Variants in METTL17 observed in about 807,000 individuals in gnomAD.
METTL17 encodes methyltransferase like 17, also known as ribosome assembly protein METTL17, mitochondrial.
A neutral mutation model predicts 59.4 loss-of-function variants in METTL17; 49 were observed. The observed-to-expected ratio is 0.82, with a 90% CI of 0.66 to 1.05. METTL17 has a LOEUF of 1.05. METTL17 is among the 50% of genes least tolerant of loss of function. The pLI is 0.00. For missense variants in METTL17, 555 were observed against 578.4 expected (o/e 0.96, Z 0.41); for synonymous variants, 208 against 209.2 (o/e 0.99, Z 0.05).
chr14:20,995,091 C>A, intron 9 of METTL17, 74 bp from the exon 10 acceptor site: 1 of 1,399,580 alleles, frequency 7.1e-7, no homozygotes, highest in Non-Finnish European at 1.0e-6. Flanking sequence ...TCTATGATTG[C>A]TCTTACACAG....
chr14:20,991,519 C>T (rs1189840711), intron 3 of METTL17, among the ~76,000 whole-genome samples: 2 of 150,530 alleles, frequency 1.3e-5, no homozygotes, highest in Non-Finnish European at 3.0e-5. Context: ...ATGTCCTTGG[C>T]CTACCCTTTA....
chr14:20,992,441 T>C (rs953925427), intron 4 of METTL17, 100 bp from the exon 5 acceptor site: 2 of 1,011,778 alleles, frequency 2.0e-6, no homozygotes, highest in Admixed American at 1.9e-5. Flanking sequence ...AGGCCTGAGC[T>C]GGAAGAGCCC....
intron 6 of METTL17, chr14:20,993,604 AGCTGG>A (rs1880165735): frequency 4.5e-6 from 1 of 221,492 alleles, no homozygotes; most frequent in African/African-American, 2.3e-5. Flanking sequence ...CCTCCCGAGT[AGCTGG>A]GACTACAGGT....
In METTL17 at chr14:20,996,778, T is replaced by C. The variant is rs541587917; in HGVS notation, c.1266-7T>C. ...GCTGCAGCCCACGCCAGCATCTGTT[T>C]CCACAGGGATTTGTATCGTTGTGCC... On this transcript the variant is annotated splice_region_variant and splice_polypyrimidine_tract_variant and intron_variant, in intron 13 of 13. Coordinates refer to ENST00000339374, the MANE Select transcript of METTL17 (RefSeq NM_022734.3). The C allele has an allele frequency of 2.5e-6, 4 of 1,614,246 alleles. No individual in the cohort carries two copies. In the East Asian group the frequency reaches 6.7e-5, roughly 27 times the overall value.
At chr14:20,990,423 C>T in intron 2 of METTL17, 40 bp downstream of exon 2, 1 of 1,613,692 alleles carries the variant, frequency 6.2e-7, no homozygotes, top group Non-Finnish European at 8.5e-7. Context: ...CGGGACTGGA[C>T]CTACATGCAA....
chr14:20,996,788 T>C lies in METTL17; in HGVS notation c.1269T>C (p.Asp423=). ...ACGCCAGCATCTGTTTCCACAGGGA[T>C]TTGTATCGTTGTGCCCGTGTCAGCT... ...AVLTARRHGR[D]LYRCARVSSW... The change falls in exon 14 of 14, where the codon GAT becomes GAC. Residue 423 remains aspartate, a synonymous_variant. Coordinates refer to ENST00000339374, the MANE Select transcript of METTL17 (RefSeq NM_022734.3). 6.2e-7 allele frequency: 1 copy of C among 1,614,148 alleles called. No homozygotes were observed. Among genetic ancestry groups the C allele is most frequent in the East Asian group, 2.2e-5 (1 of 44,868 alleles).
At position 20,993,094 on chromosome 14, in the gene METTL17, G is replaced by C. The variant is rs139429771; in HGVS notation, c.529-24G>C. The C allele has an allele frequency of 1.9e-3, 3,069 of 1,607,110 alleles. 6 individuals carry two copies. Among genetic ancestry groups the C allele is most frequent in the Non-Finnish European group, 2.4e-3 (2,782 of 1,173,642 alleles). On this transcript the variant is annotated intron_variant, in intron 5 of 13. Coordinates refer to ENST00000339374, the MANE Select transcript of METTL17 (RefSeq NM_022734.3). The stretch of plus-strand genomic sequence containing the variant: ...TAAATAAGTATCTAATTACCCTACT[G>C]TGGGATGTTGTATATTTCTTCAGAT...
chr14:20,995,716 C>T, intron 10 of METTL17, 185 bp from the exon 11 acceptor site: 4 of 590,072 alleles, frequency 6.8e-6, no homozygotes, highest in Non-Finnish European at 1.2e-5. Flanking sequence ...TTGCCTTTCT[C>T]CTGCAGCAAA....
At position 20,990,281 on chromosome 14, in the gene METTL17, T is replaced by G; in HGVS notation, c.127T>G (p.Phe43Val). 1 of 1,614,204 alleles carries G rather than the reference T, an allele frequency of 6.2e-7. No individual in the cohort carries two copies. The highest frequency in any genetic ancestry group is 1.1e-5 in the South Asian group (1 of 91,090). Residue 43 changes from phenylalanine to valine, a missense_variant, in exon 2 of 14, where the codon TTC becomes GTC. Coordinates refer to ENST00000339374, the MANE Select transcript of METTL17 (RefSeq NM_022734.3). The stretch of plus-strand genomic sequence containing the variant: ...GACCCAGGTAGATAACAAGTCCGGT[T>G]TCCTGCAGAAGAGGCCTCATCGCCA... ...GVTQVDNKSG[F>V]LQKRPHRQHP...
At chr14:20,993,018 C>G in intron 5 of METTL17, 100 bp from the exon 6 acceptor site, 1 of 982,980 alleles carries the variant, frequency 1.0e-6, no homozygotes, top group Non-Finnish European at 1.6e-6. Context: ...AAAAGGCATT[C>G]ACATCTCACA....
intron 3 of METTL17, chr14:20,990,855 A>G: frequency 2.1e-6 from 1 of 469,042 alleles, no homozygotes; most frequent in Admixed American, 3.7e-5. Flanking sequence ...GCTTTGAGAC[A>G]GAGTCTTGCT....
In METTL17 at chr14:20,992,131, TCAGA is replaced by T; in HGVS notation, c.377_380del (p.Thr126ArgfsTer22). Reference sequence around the variant, plus strand: ...TCCTTGTTCTCACCACAGACTTATCTCAGACAGAGGAGAAACTTCGTGGAGCAGT... The same window carrying T: ...TCCTTGTTCTCACCACAGACTTATCTCAGAGGAGAAACTTCGTGGAGCAGT... On this transcript the variant is annotated frameshift_variant, in exon 4 of 14. Transcript: ENST00000339374. LOFTEE classifies it high-confidence loss of function. The T allele has an allele frequency of 1.2e-6, 2 of 1,613,388 alleles. No individual in the cohort carries two copies. The highest frequency in any genetic ancestry group is 4.5e-5 in the East Asian group (2 of 44,850).
At chr14:20,995,109 C>T in intron 9 of METTL17, 56 bp from the exon 10 acceptor site, 1 of 1,500,782 alleles carries the variant, frequency 6.7e-7, no homozygotes. Flanking sequence ...CAGCTACTGA[C>T]ATTTATACTT....
rs1372090724 is a variant in METTL17 at position 20,995,197 on chromosome 14, C to T, written c.909C>T (p.His303=). 4.3e-6 allele frequency: 7 copies of T among 1,614,114 alleles called. No homozygotes were observed. The highest frequency in any genetic ancestry group is 5.1e-6 in the Non-Finnish European group (6 of 1,180,042). ...TGGAGAATGGAACAAAAGCTGGGCA[C>T]AGCCTTCTCATGGATGCCAGGGATC... is the stretch of plus-strand genomic sequence containing the variant. The part of the protein sequence containing the change: ...VLVENGTKAG[H]SLLMDARDLV... Residue 303 remains histidine, a synonymous_variant, in exon 10 of 14, where the codon CAC becomes CAT. Coordinates refer to ENST00000339374, the MANE Select transcript of METTL17 (RefSeq NM_022734.3).
intron 3 of METTL17, chr14:20,991,804 C>G (rs1880041621): frequency 3.7e-6 from 1 of 268,140 alleles, no homozygotes; most frequent in African/African-American, 2.4e-5. Context: ...GCTGAGCTTA[C>G]AGGCGTGAGC....
At chr14:20,993,274 G>A in intron 6 of METTL17, 83 bp downstream of exon 6, 1 of 1,152,002 alleles carries the variant, frequency 8.7e-7, no homozygotes, top group Non-Finnish European at 1.3e-6. Flanking sequence ...TAACAGACTG[G>A]AAAACCAGAG....
chr14:20,990,567 G>T lies in METTL17; in HGVS notation c.333G>T (p.Arg111Ser). Residue 111 changes from arginine (R) to serine (S), a missense_variant, in exon 3 of 14, where the codon AGG becomes AGT. Coordinates refer to ENST00000339374, the MANE Select transcript of METTL17 (RefSeq NM_022734.3). ...CAGAGGAGTTGCAAAGACGGGCTAGGCATCTTGAGAAAAAATTCCTGGAAA... is the reference window on the plus strand; with the variant it reads ...CAGAGGAGTTGCAAAGACGGGCTAGTCATCTTGAGAAAAAATTCCTGGAAA... ...VEPEELQRRA[R>S]HLEKKFLENP... is the part of the protein sequence containing the mutation. The T allele has an allele frequency of 6.2e-7, 1 of 1,614,208 alleles. No individual in the cohort carries two copies. Among genetic ancestry groups the T allele is most frequent in the Non-Finnish European group, 8.5e-7 (1 of 1,180,046 alleles).
chr14:20,992,253 G>C (rs1455595672), intron 4 of METTL17, 48 bp downstream of exon 4: 1 of 1,221,278 alleles, frequency 8.2e-7, no homozygotes, highest in African/African-American at 1.5e-5. Context: ...GTAGACTTTA[G>C]AAAGAGAGTT....
In METTL17 at chr14:20,996,538, A is replaced by G; in HGVS notation, c.1092A>G (p.Pro364=). The G allele has an allele frequency of 6.2e-7, 1 of 1,610,016 alleles. No homozygotes were observed. Among genetic ancestry groups the G allele is most frequent in the South Asian group, 1.1e-5 (1 of 90,966 alleles). ...HPIPFSWNKK[P]KEEKFSMVIL... ...GTTCCTTATCTTAGAACAAGAAACC[A>G]AAGGAAGAAAAGTTCTCTATGGTGA... The change falls in exon 13 of 14, where the codon CCA becomes CCG. Residue 364 remains proline (P), a synonymous_variant. Transcript: ENST00000339374.
Sources: gnomAD v4.1 joint callset for allele counts (sites outside exome capture counted in the v4.1 genomes callset) on GRCh38, gnomAD v4.1.1 for gene constraint, MANE v1.5 for transcripts, NCBI Gene and HGNC (gene_info 2026-07-23, HGNC 2026-07-21) for gene names.